The following DST variants were observed in gnomAD, a reference collection of about 807,000 sequenced individuals.
DST encodes the protein dystonin.
In DST, 253 loss-of-function variants were observed where a neutral mutation model predicts 875.2. The ratio of observed to expected loss-of-function variants is 0.29; its 90% CI spans 0.26 to 0.32. The LOEUF (loss-of-function observed/expected upper bound fraction) is 0.32, where lower values mean the gene tolerates loss of function less well. Ranked by LOEUF, DST falls within the 10% of genes least tolerant of loss-of-function variation. The probability of loss-of-function intolerance (pLI) is 1.00; values close to 1 mark genes in which losing one functional copy is unlikely to be tolerated. For missense variants in DST, 8,287 were observed against 9,111.6 expected, an observed-to-expected ratio of 0.91 and a Z score of 3.68; for synonymous variants, 3,124 against 3,197.1, an observed-to-expected ratio of 0.98 and a Z score of 0.77.
At chr6:56,911,041 G>A (rs1798632767) in intron 2 of DST, among the ~76,000 whole-genome samples, 1 of 152,194 alleles carries the variant, frequency 6.6e-6, no homozygotes, top group African/African-American at 2.4e-5. Flanking sequence ...AGTCCCTGCT[G>A]CCTGAGGAAG....
At chr6:56,558,877 C>A (rs145433184) in intron 58 of DST, among the ~76,000 whole-genome samples, 35 of 152,188 alleles carry the variant, frequency 2.3e-4, no homozygotes, top group African/African-American at 8.2e-4. Flanking sequence ...ATATCCCAAC[C>A]CTATCCTTCC....
intron 4 of DST, among the ~76,000 whole-genome samples, chr6:56,811,012 C>G (rs2099759292): frequency 6.6e-6 from 1 of 151,376 alleles, no homozygotes; most frequent in African/African-American, 2.4e-5. Flanking sequence ...TGAGACCCCC[C>G]ATCTCTACAA....
intron 4 of DST, among the ~76,000 whole-genome samples, chr6:56,818,314 G>C (rs757610774): frequency 4.5e-4 from 68 of 152,066 alleles, no homozygotes; most frequent in Admixed American, 5.2e-4. Flanking sequence ...GGGAAAGCAG[G>C]GGGGGAACTA....
In DST at chr6:56,631,952, A is replaced by T. The variant is rs772486952; in HGVS notation, c.3894T>A (p.Ile1298=). 6.2e-7 allele frequency: 1 copy of T among 1,613,888 alleles called. No homozygotes were observed. Among genetic ancestry groups the T allele is most frequent in the South Asian group, 1.1e-5 (1 of 91,072 alleles). ...TTTCCAGGGGAGTTCGAATCTGTCT[A>T]ATCAGCCGATCTTCACAGTTCTCTA... is the stretch of plus-strand genomic sequence containing the variant. The part of the protein sequence containing the change: ...LRLENCEDRL[I]RQIRTPLERD... Residue 1298 remains isoleucine, a synonymous_variant, in exon 29 of 104, where the codon ATT becomes ATA. Coordinates refer to ENST00000680361, the MANE Select transcript of DST (RefSeq NM_001374736.1).
At chr6:56,865,141 A>C (rs150959895) in intron 3 of DST, among the ~76,000 whole-genome samples, 6 of 152,320 alleles carry the variant, frequency 3.9e-5, no homozygotes, top group African/African-American at 9.6e-5. Flanking sequence ...CAGAGATTCA[A>C]GGAGTCAAAT....
chr6:56,767,069 C>T (rs1451152694), intron 4 of DST, among the ~76,000 whole-genome samples: 1 of 152,134 alleles, frequency 6.6e-6, no homozygotes, highest in Non-Finnish European at 1.5e-5. Flanking sequence ...ATTTCTTTGG[C>T]TTGGTTTCAG....
At chr6:56,528,678 T>A (rs1040661107) in intron 67 of DST, among the ~76,000 whole-genome samples, 163 bp downstream of exon 67, 6 of 152,192 alleles carry the variant, frequency 3.9e-5, no homozygotes, top group African/African-American at 1.4e-4. Context: ...TGAGATCATA[T>A]CCTAACCACC....
chr6:56,851,456 C>A lies in DST; in HGVS notation c.566G>T (p.Arg189Ile), dbSNP rs1194514941. The A allele has an allele frequency of 6.8e-6, 11 of 1,613,932 alleles. No individual in the cohort carries two copies. The highest frequency in any genetic ancestry group is 9.3e-6 in the Non-Finnish European group (11 of 1,179,918). The change falls in exon 4 of 104, where the codon AGA (arginine) becomes ATA (isoleucine). Residue 189 changes from arginine to isoleucine, a missense_variant. Physicochemically the swap from Arg to Ile is moderately conservative, Grantham distance 97. This residue lies in a region of DST where 1,160 missense variants were observed against 1,424.3 expected (regional missense o/e 0.81). Coordinates refer to ENST00000680361, the MANE Select transcript of DST (RefSeq NM_001374736.1). The stretch of plus-strand genomic sequence containing the variant: ...CAGCACTGAGCCCCCTTGAATCTTT[C>A]TTTTCGATCTCTCATGTTTAGGCAA... ...WNLPKHERSK[R>I]KIQGGSVLDP... is the part of the protein sequence containing the mutation.
At chr6:56,466,307 C>A in intron 98 of DST, 112 bp from the exon 99 acceptor site, 1 of 619,154 alleles carries the variant, frequency 1.6e-6, no homozygotes. Flanking sequence ...TTGCTTAGTT[C>A]ATAGCGATTA....
rs747396121 is a variant in DST, at chr6:56,601,655, G to A, written c.11329C>T (p.His3777Tyr). Reference sequence around the variant, plus strand: ...GTAGTCTCCAGCTGCATTTTGGTATGTCCAAGGTCTTTTAATACATTCTGT... The same window carrying A: ...GTAGTCTCCAGCTGCATTTTGGTATATCCAAGGTCTTTTAATACATTCTGT... ...FLKNVLKDLGHTKMQLETTAF... is the reference protein window; with the variant it reads ...FLKNVLKDLGYTKMQLETTAF... The change falls in exon 44 of 104, where the codon CAT (histidine) becomes TAT (tyrosine). Residue 3777 changes from histidine to tyrosine, a missense_variant. His to Tyr is a moderately conservative substitution (Grantham distance 83). Coordinates refer to ENST00000680361, the MANE Select transcript of DST (RefSeq NM_001374736.1). 33 of 1,584,884 alleles carry A rather than the reference G, an allele frequency of 2.1e-5. No homozygotes were observed. The African/African-American group carries it at 4.2e-4, about 20-fold the overall frequency.
intron 62 of DST, 99 bp downstream of exon 62, chr6:56,536,680 T>A: frequency 8.4e-7 from 1 of 1,187,044 alleles, no homozygotes. Context: ...AGTAGACATA[T>A]TTAGAAAAGT....
rs2098758775 is a variant in DST, at chr6:56,629,375, A to G, written c.4350T>C (p.Ala1450=). The change falls in exon 32 of 104, where the codon GCT becomes GCC. Residue 1450 remains alanine (A), a synonymous_variant. Transcript: ENST00000680361. ...TAAACATTTCATCACTGATGGCTTT[A>G]GCTTTCTGCAACTCATCCTCTAAGG... The part of the protein sequence containing the change: ...FHALEDELQK[A]KAISDEMFKT... 6.2e-7 allele frequency: 1 copy of G among 1,613,588 alleles called. No homozygotes were observed.
At chr6:56,812,037 G>A (rs2099760573) in intron 4 of DST, among the ~76,000 whole-genome samples, 1 of 148,408 alleles carries the variant, frequency 6.7e-6, no homozygotes, top group South Asian at 2.1e-4. Flanking sequence ...AGAAGGTGGA[G>A]ATTGCAGTGA....
rs2098115446 is a variant in DST, at chr6:56,584,924, T to C, written c.12904-5987A>G. Among the ~76,000 whole-genome samples the C allele has an allele frequency of 3.9e-5, 6 of 152,088 alleles. No individual in the cohort carries two copies. The South Asian group carries it at 1.2e-3, about 32-fold the overall frequency. On this transcript the variant is annotated intron_variant, in intron 49 of 103. Transcript: ENST00000680361. Reference sequence around the variant, plus strand: ...TTGATTTGTGTATATTGAACCAGCCTTGCATCCCAGGGATGAAGCCCACTT... The same window carrying C: ...TTGATTTGTGTATATTGAACCAGCCCTGCATCCCAGGGATGAAGCCCACTT...
chr6:56,691,344 T>C (rs1456001442), intron 9 of DST, among the ~76,000 whole-genome samples: 4 of 152,124 alleles, frequency 2.6e-5, no homozygotes, highest in Non-Finnish European at 5.9e-5. Flanking sequence ...ACTGATGGCA[T>C]AATATTGGCA....
intron 75 of DST, among the ~76,000 whole-genome samples, chr6:56,507,763 C>G (rs2096369156): frequency 6.6e-6 from 1 of 152,150 alleles, no homozygotes; most frequent in African/African-American, 2.4e-5. Flanking sequence ...TAGGCATGAG[C>G]TAGGCTGGCA....
Position 56,603,600 on chromosome 6 carries a change from G to A in DST, c.10905C>T (p.Asn3635=). 1 of 1,610,240 alleles carries A rather than the reference G, an allele frequency of 6.2e-7. No homozygotes were observed. The highest frequency in any genetic ancestry group is 8.5e-7 in the Non-Finnish European group (1 of 1,178,688). ...PLDNQESLDN[N]LEALKNQLRQ... The stretch of plus-strand genomic sequence containing the variant: ...TAAGTTGATTCTTCAAAGCTTCCAA[G>A]TTGTTATCCAGAGATTCCTGGTTGT... The change falls in exon 41 of 104, where the codon AAC becomes AAT. Residue 3635 remains asparagine, a synonymous_variant. Transcript: ENST00000680361.
At chr6:56,842,032 T>C (rs980643877) in intron 4 of DST, among the ~76,000 whole-genome samples, 1 of 152,186 alleles carries the variant, frequency 6.6e-6, no homozygotes, top group African/African-American at 2.4e-5. Flanking sequence ...AGAAAACAAT[T>C]GTGAGTGTAT....
intron 4 of DST, among the ~76,000 whole-genome samples, chr6:56,775,336 T>C (rs527554981): frequency 1.0e-3 from 157 of 152,318 alleles, no homozygotes; most frequent in African/African-American, 3.6e-3. Context: ...TTAGGCTGCT[T>C]TGTTTATTTA....
Sources: gnomAD v4.1 joint callset for allele counts (sites outside exome capture counted in the v4.1 genomes callset) on GRCh38, gnomAD v4.1.1 for gene constraint, gnomAD v4.1.1 regional missense constraint, MANE v1.5 for transcripts, NCBI Gene and HGNC (gene_info 2026-07-23, HGNC 2026-07-21) for gene names.